The following NUDT6 variants were observed in gnomAD, a reference collection of about 807,000 sequenced individuals.
NUDT6 encodes FAD diphosphatase NUDT6.
NUDT6 carries 24 observed loss-of-function variants against 36.8 expected under a neutral mutation model. That is an observed-to-expected ratio of 0.65 (90% CI 0.47 to 0.92). The LOEUF is 0.92. NUDT6 is among the 40% of genes least tolerant of loss of function. The pLI, the probability that NUDT6 is intolerant of heterozygous loss-of-function variation, is 0.00. For synonymous variants in NUDT6, 163 were observed against 157.0 expected (o/e 1.04, Z -0.29); for missense variants, 388 against 392.8 (o/e 0.99, Z 0.10).
intron 4 of NUDT6, chr4:122,894,133 G>C (rs1326940526): frequency 6.6e-6 from 1 of 152,210 alleles, no homozygotes; most frequent in Non-Finnish European, 1.5e-5. Flanking sequence ...CCCTGGATAT[G>C]CTCTTGTTTT....
intron 2 of NUDT6, among the ~76,000 whole-genome samples, chr4:122,915,469 C>CAAAAAAAAAAAAAAAA (rs61032259): frequency 7.1e-5 from 3 of 42,262 alleles, no homozygotes; most frequent in African/African-American, 2.0e-4. Context: ...GACCCTGCCT[C>CAAAAAAAAAAAAAAAA]AAAAAAAAAA....
At chr4:122,920,697 T>G (rs1727956682) in intron 1 of NUDT6, 1 of 152,208 alleles carries the variant, frequency 6.6e-6, no homozygotes, top group Non-Finnish European at 1.5e-5. Flanking sequence ...ATCACCTGTT[T>G]GGTCATTGAT....
chr4:122,893,066 A>G lies in NUDT6; in HGVS notation c.713T>C (p.Phe238Ser), dbSNP rs1486929585. 2 of 1,613,998 alleles carry G rather than the reference A, an allele frequency of 1.2e-6. No individual in the cohort carries two copies. Among genetic ancestry groups the G allele is most frequent in the African/African-American group, 2.7e-5 (2 of 74,900 alleles). Residue 238 changes from phenylalanine (F) to serine (S), a missense_variant, in exon 5 of 5, where the codon TTT (phenylalanine) becomes TCT (serine). Transcript: ENST00000304430. ...RLKPYSFTINFCQEECLRCEW... is the reference protein window; with the variant it reads ...RLKPYSFTINSCQEECLRCEW... ...ACATCTTAAGCATTCTTCCTGGCAA[A>G]AATTTATGGTGAATGAATATGGCTT...
intron 3 of NUDT6, among the ~76,000 whole-genome samples, chr4:122,900,062 C>CCCCCCCCCCCCCCCCCCCCCCCA (rs1727485490): frequency 7.6e-6 from 1 of 131,586 alleles, no homozygotes; most frequent in African/African-American, 2.9e-5. Flanking sequence ...CCGCCACCCC[C>CCCCCCCCCCCCCCCCCCCCCCCA]CCCCCGGCCC....
At chr4:122,910,892 A>T (rs1175174215) in intron 3 of NUDT6, among the ~76,000 whole-genome samples, 1 of 152,164 alleles carries the variant, frequency 6.6e-6, no homozygotes, top group Non-Finnish European at 1.5e-5. Flanking sequence ...AGCCCAGGAA[A>T]GATTAAATAA....
chr4:122,908,293 C>A (rs1727664631), intron 3 of NUDT6, among the ~76,000 whole-genome samples: 1 of 152,174 alleles, frequency 6.6e-6, no homozygotes, highest in South Asian at 2.1e-4. Flanking sequence ...CCATGCCAGA[C>A]AAGGGTTAAG....
intron 3 of NUDT6, among the ~76,000 whole-genome samples, chr4:122,909,058 G>A (rs958473715): frequency 4.1e-5 from 6 of 147,496 alleles, no homozygotes; most frequent in Admixed American, 2.0e-4. Flanking sequence ...TCATCTCCCC[G>A]CCATCCCAGC....
chr4:122,922,114 A>G (rs1728047046), intron 1 of NUDT6: 1 of 410,454 alleles, frequency 2.4e-6, no homozygotes, highest in Admixed American at 4.4e-5. Context: ...TGCAGATCCC[A>G]AAGTCCGGGA....
At chr4:122,921,090 C>T (rs1386785321) in intron 1 of NUDT6, 2 of 152,164 alleles carry the variant, frequency 1.3e-5, no homozygotes, top group Non-Finnish European at 2.9e-5. Flanking sequence ...GCTCCTCCAT[C>T]CAAGCTTTCT....
At chr4:122,922,826 A>G (rs1728131237), upstream of NUDT6, 8 of 571,074 alleles carry the variant, frequency 1.4e-5, no homozygotes, top group Admixed American at 3.3e-5. Context: ...GTTTAATTCA[A>G]CAGACGTTGG....
chr4:122,909,142 T>G (rs1257977129), intron 3 of NUDT6, among the ~76,000 whole-genome samples: 1 of 152,002 alleles, frequency 6.6e-6, no homozygotes, highest in Non-Finnish European at 1.5e-5. Flanking sequence ...CATGGCTCAC[T>G]GTAGCCTTGA....
intron 1 of NUDT6, chr4:122,919,086 A>G (rs1727912415): frequency 6.6e-6 from 1 of 152,188 alleles, no homozygotes; most frequent in African/African-American, 2.4e-5. Flanking sequence ...GCTTCAGCTG[A>G]TACATACATG....
chr4:122,920,241 C>T (rs933296095), intron 1 of NUDT6: 5 of 152,092 alleles, frequency 3.3e-5, no homozygotes. Context: ...ACAGAACCAG[C>T]AGGAGTTCTT....
intron 2 of NUDT6, among the ~76,000 whole-genome samples, chr4:122,916,287 G>A (rs137999763): frequency 0.01 from 1,589 of 152,250 alleles, 27 homozygotes; most frequent in Non-Finnish European, 0.013. Context: ...GTCTTACTCT[G>A]AGGGAAGTCT....
chr4:122,910,213 C>T (rs565499262), intron 3 of NUDT6, among the ~76,000 whole-genome samples: 4 of 152,256 alleles, frequency 2.6e-5, no homozygotes, highest in Non-Finnish European at 5.9e-5. Context: ...ATTTCAAGTA[C>T]AGATTGCTCT....
chr4:122,900,000 A>T (rs1727479619), intron 3 of NUDT6, among the ~76,000 whole-genome samples: 1 of 151,774 alleles, frequency 6.6e-6, no homozygotes, highest in African/African-American at 2.4e-5. Context: ...AGATTTAATG[A>T]CAAAGGCCTT....
chr4:122,911,665 T>G (rs1395868269), intron 3 of NUDT6, among the ~76,000 whole-genome samples: 2 of 152,200 alleles, frequency 1.3e-5, no homozygotes, highest in African/African-American at 4.8e-5. Flanking sequence ...TAATTTAAAC[T>G]TTAAGAACAT....
chr4:122,912,736 G>GC, intron 2 of NUDT6, 113 bp from the exon 3 acceptor site: 1 of 673,174 alleles, frequency 1.5e-6, no homozygotes, highest in Non-Finnish European at 2.6e-6. Context: ...TGAAGCCTTG[G>GC]TTCAAATACA....
intron 3 of NUDT6, among the ~76,000 whole-genome samples, chr4:122,900,244 C>T (rs1214988923): frequency 6.6e-6 from 1 of 151,852 alleles, no homozygotes; most frequent in Non-Finnish European, 1.5e-5. Flanking sequence ...TTCCAGCCTT[C>T]CAAGAAGGTT....
Sources: gnomAD v4.1 joint callset for allele counts (sites outside exome capture counted in the v4.1 genomes callset) on GRCh38, gnomAD v4.1.1 for gene constraint, MANE v1.5 for transcripts, NCBI Gene and HGNC (gene_info 2026-07-23, HGNC 2026-07-21) for gene names.